The following FOXP1 variants were observed in gnomAD, a reference collection of about 807,000 sequenced individuals.
FOXP1 encodes the protein forkhead box P1.
Under a neutral mutation model 98.2 loss-of-function variants are expected in FOXP1, and 15 were observed. The ratio of observed to expected loss-of-function variants is 0.15; its 90% CI spans 0.10 to 0.24. The LOEUF (loss-of-function observed/expected upper bound fraction) is 0.24, where lower values mean the gene tolerates loss of function less well. FOXP1 is among the 10% of genes least tolerant of loss of function. The pLI is 1.00. For synonymous variants in FOXP1, 371 were observed against 314.5 expected, an observed-to-expected ratio of 1.18 and a Z score of -1.90; for missense variants, 633 against 848.5, an observed-to-expected ratio of 0.75 and a Z score of 3.15.
At chr3:71,498,815 G>A (rs2041107372) in intron 2 of FOXP1, among the ~76,000 whole-genome samples, 1 of 152,112 alleles carries the variant, frequency 6.6e-6, no homozygotes, top group African/African-American at 2.4e-5. Flanking sequence ...CATTCCATAG[G>A]TCCAAGACGG....
chr3:71,012,829 C>G (rs141634448), intron 12 of FOXP1, among the ~76,000 whole-genome samples: 1 of 152,080 alleles, frequency 6.6e-6, no homozygotes, highest in African/African-American at 2.4e-5. Flanking sequence ...TCCCCAACAC[C>G]CAATTTGTAA....
intron 2 of FOXP1, among the ~76,000 whole-genome samples, chr3:71,545,085 T>C (rs1262845919): frequency 6.8e-6 from 1 of 146,222 alleles, no homozygotes; most frequent in Admixed American, 6.7e-5. Flanking sequence ...GGACCATGGG[T>C]GGTAAAACAA....
At chr3:71,338,993 T>C (rs973555290) in intron 4 of FOXP1, among the ~76,000 whole-genome samples, 1 of 152,168 alleles carries the variant, frequency 6.6e-6, no homozygotes, top group African/African-American at 2.4e-5. Flanking sequence ...AGAAAACCAC[T>C]AACAGGGTCT....
At chr3:71,325,820 T>C (rs563950426) in intron 4 of FOXP1, among the ~76,000 whole-genome samples, 2 of 152,246 alleles carry the variant, frequency 1.3e-5, no homozygotes, top group South Asian at 2.1e-4. Flanking sequence ...GCTAGGACTA[T>C]AGGGCATGTG....
intron 12 of FOXP1, among the ~76,000 whole-genome samples, chr3:71,002,078 T>A (rs1375365853): frequency 1.3e-5 from 2 of 152,180 alleles, no homozygotes; most frequent in Non-Finnish European, 2.9e-5. Flanking sequence ...AGGTTTTTGT[T>A]CCAAATGTGG....
chr3:71,448,272 C>T (rs1233999911), intron 3 of FOXP1, among the ~76,000 whole-genome samples: 1 of 152,140 alleles, frequency 6.6e-6, no homozygotes, highest in African/African-American at 2.4e-5. Flanking sequence ...ACAGCTTCCA[C>T]AAAGAAATGT....
intron 7 of FOXP1, among the ~76,000 whole-genome samples, chr3:71,091,953 C>T (rs960689196): frequency 2.0e-5 from 3 of 152,006 alleles, no homozygotes; most frequent in East Asian, 3.9e-4. Flanking sequence ...TTTGGGAGGC[C>T]GAGGCAGGCA....
chr3:70,993,770 G>A (rs942861603), intron 13 of FOXP1, among the ~76,000 whole-genome samples: 1 of 152,088 alleles, frequency 6.6e-6, no homozygotes, highest in Non-Finnish European at 1.5e-5. Context: ...CGAGGCAGGC[G>A]GATCCCTTGA....
chr3:71,581,864 A>G (rs2048198869), intron 1 of FOXP1, 167 bp from the exon 2 acceptor site: 2 of 985,582 alleles, frequency 2.0e-6, no homozygotes, highest in Non-Finnish European at 2.4e-6. Flanking sequence ...GATGCGGCTC[A>G]GGGAATCCCT....
At chr3:71,343,453 C>T (rs969077408) in intron 4 of FOXP1, among the ~76,000 whole-genome samples, 2 of 151,960 alleles carry the variant, frequency 1.3e-5, no homozygotes, top group Non-Finnish European at 2.9e-5. Flanking sequence ...TAAGAATAAT[C>T]TTACACTTTA....
intron 3 of FOXP1, among the ~76,000 whole-genome samples, chr3:71,472,396 G>A (rs766042713): frequency 6.6e-6 from 1 of 151,550 alleles, no homozygotes; most frequent in African/African-American, 2.4e-5. Context: ...ATGGGTCCGA[G>A]AGGATTCAGT....
intron 6 of FOXP1, among the ~76,000 whole-genome samples, chr3:71,167,950 A>T (rs893287914): frequency 6.6e-5 from 10 of 152,214 alleles, no homozygotes; most frequent in African/African-American, 2.2e-4. Context: ...TTTCAGATAA[A>T]GCATGTCCAA....
chr3:71,426,286 C>A (rs1161582121), intron 3 of FOXP1, among the ~76,000 whole-genome samples: 1 of 152,138 alleles, frequency 6.6e-6, no homozygotes, highest in Non-Finnish European at 1.5e-5. Flanking sequence ...AAATATGCAG[C>A]CCCAGTAAAT....
chr3:71,235,279 C>G (rs141302892), intron 5 of FOXP1, among the ~76,000 whole-genome samples: 148 of 152,276 alleles, frequency 9.7e-4, no homozygotes, highest in African/African-American at 3.4e-3. Context: ...TAAAATTATG[C>G]TTTCCCTAGA....
chr3:71,118,565 G>A (rs1345811881), intron 6 of FOXP1, among the ~76,000 whole-genome samples: 2 of 152,074 alleles, frequency 1.3e-5, no homozygotes, highest in Non-Finnish European at 2.9e-5. Context: ...TTGGTGACGG[G>A]GTCTGAGATA....
At chr3:71,523,770 G>T (rs1330872000) in intron 2 of FOXP1, among the ~76,000 whole-genome samples, 2 of 152,096 alleles carry the variant, frequency 1.3e-5, no homozygotes, top group Non-Finnish European at 2.9e-5. Context: ...GCCCTAACAT[G>T]ACTCACAGGG....
At chr3:71,168,190 A>C (rs1413513856) in intron 6 of FOXP1, among the ~76,000 whole-genome samples, 1 of 152,212 alleles carries the variant, frequency 6.6e-6, no homozygotes, top group East Asian at 1.9e-4. Context: ...TCGCAACTCT[A>C]TGCAAAATGT....
intron 4 of FOXP1, among the ~76,000 whole-genome samples, chr3:71,300,319 A>G (rs988228455): frequency 3.3e-5 from 5 of 152,200 alleles, no homozygotes; most frequent in Admixed American, 3.3e-4. Context: ...GGTCTTGTAG[A>G]CAAGATGCTT....
At chr3:71,052,995 G>T (rs909939667) in intron 8 of FOXP1, among the ~76,000 whole-genome samples, 4 of 152,142 alleles carry the variant, frequency 2.6e-5, no homozygotes, top group African/African-American at 9.7e-5. Flanking sequence ...TATTCAGTGT[G>T]TGCATGGACA....
Sources: allele counts gnomAD v4.1 joint callset (sites outside exome capture counted in the v4.1 genomes callset), GRCh38; gene constraint gnomAD v4.1.1; transcripts MANE v1.5; gene names NCBI Gene and HGNC (gene_info 2026-07-23, HGNC 2026-07-21).